Variants in SORL1 observed in about 807,000 individuals in gnomAD.
SORL1 encodes sortilin related receptor 1, also known as sortilin-related receptor.
A neutral mutation model predicts 273.7 loss-of-function variants in SORL1; 127 were observed. That is an observed-to-expected ratio of 0.46 (90% CI 0.40 to 0.54). The LOEUF is 0.54. Among genes scored for constraint, SORL1 ranks in the 20% least tolerant of loss-of-function variants. SORL1 has a pLI of 0.00. For missense variants in SORL1, 2,494 were observed against 2,846.1 expected (o/e 0.88, Z 2.81); for synonymous variants, 1,031 against 1,067.4 (o/e 0.97, Z 0.66).
intron 25 of SORL1, among the ~76,000 whole-genome samples, chr11:121,582,443 G>A (rs1378357284): frequency 6.6e-6 from 1 of 152,228 alleles, no homozygotes; most frequent in Non-Finnish European, 1.5e-5. Context: ...TTGTAAACAA[G>A]GCCAGTCCTG....
chr11:121,577,145 G>T, intron 24 of SORL1, 136 bp from the exon 25 acceptor site: 1 of 1,248,922 alleles, frequency 8.0e-7, no homozygotes, highest in Admixed American at 2.2e-5. Flanking sequence ...CCTGGTAAAA[G>T]TCTCTTCGTT....
chr11:121,595,573 G>T lies in SORL1; in HGVS notation c.4370-50G>T. On this transcript the variant is annotated intron_variant, in intron 31 of 47. Coordinates refer to ENST00000260197, the MANE Select transcript of SORL1 (RefSeq NM_003105.6). The surrounding 1 kb of genome is among the most constrained non-coding windows in gnomAD (Gnocchi z 5.1). ...GCATATTGATTGGTTGCTGTTATTG[G>T]CCAGCTCCCTCAATATTAAAAAGTA... The T allele has an allele frequency of 2.0e-6, 3 of 1,497,140 alleles. No individual in the cohort carries two copies. Among genetic ancestry groups the T allele is most frequent in the Non-Finnish European group, 1.8e-6 (2 of 1,107,034 alleles). 92.7% of individuals were successfully genotyped at this position (1,497,140 alleles called of 1,614,324 possible). A position where few individuals can be genotyped will look rare whatever the true frequency, so the allele number is the denominator to read the frequency against.
chr11:121,477,071 C>T (rs1444213726), intron 2 of SORL1, among the ~76,000 whole-genome samples: 8 of 152,054 alleles, frequency 5.3e-5, no homozygotes, highest in Non-Finnish European at 1.0e-4. Context: ...GGGTTACAGG[C>T]GTGAGCCACT....
At chr11:121,516,027 G>T (rs17125414) in intron 8 of SORL1, among the ~76,000 whole-genome samples, 2 of 152,076 alleles carry the variant, frequency 1.3e-5, no homozygotes, top group African/African-American at 2.4e-5. Context: ...ATTTTTTTCC[G>T]TTAAAATCTG....
chr11:121,469,944 G>A, intron 1 of SORL1, 63 bp from the exon 2 acceptor site: 1 of 1,075,098 alleles, frequency 9.3e-7, no homozygotes, highest in Non-Finnish European at 1.4e-6. Context: ...AAAGAGTCTT[G>A]ATTTAGAATG....
intron 16 of SORL1, among the ~76,000 whole-genome samples, chr11:121,551,639 G>A (rs1303865529): frequency 1.3e-5 from 2 of 152,206 alleles, no homozygotes; most frequent in African/African-American, 2.4e-5. Flanking sequence ...GGGTGGTGGT[G>A]TCTTACGTGG....
In SORL1 at chr11:121,528,376, T is replaced by C. The variant is rs549085244; in HGVS notation, c.1597-4088T>C. Among the ~76,000 whole-genome samples the C allele has an allele frequency of 4.5e-4, 68 of 152,298 alleles. 1 individual carries two copies. In the South Asian group the frequency reaches 0.014, roughly 31 times the overall value. ...CTGGGGGCTGAGGTGGGAGGCTCAC[T>C]TGAGCCCAGGAGGTCAAGGTTGCAG... On this transcript the variant is annotated intron_variant, in intron 11 of 47. Coordinates refer to ENST00000260197, the MANE Select transcript of SORL1 (RefSeq NM_003105.6).
chr11:121,564,867 C>T (rs1002962413), intron 21 of SORL1, among the ~76,000 whole-genome samples: 3 of 152,238 alleles, frequency 2.0e-5, no homozygotes, highest in African/African-American at 4.8e-5. Flanking sequence ...GCCACTGCAC[C>T]CAGCCGGTAA....
At chr11:121,622,021 A>T in intron 44 of SORL1, 141 bp from the exon 45 acceptor site, 1 of 595,318 alleles carries the variant, frequency 1.7e-6, no homozygotes, top group Non-Finnish European at 3.0e-6. Context: ...TAGGTTCTGT[A>T]CTCAGCAATC....
At chr11:121,514,492 G>A (rs1252693307) in intron 8 of SORL1, among the ~76,000 whole-genome samples, 171 bp downstream of exon 8, 1 of 152,206 alleles carries the variant, frequency 6.6e-6, no homozygotes, top group East Asian at 1.9e-4. Flanking sequence ...TGGGTTTGGG[G>A]TGTGGCCAGG....
chr11:121,506,694 A>G (rs1861792399), intron 6 of SORL1, among the ~76,000 whole-genome samples: 1 of 152,192 alleles, frequency 6.6e-6, no homozygotes, highest in Non-Finnish European at 1.5e-5. Context: ...ATCTATTTGT[A>G]TCTTTGAATC....
chr11:121,513,741 A>G (rs142297648), intron 7 of SORL1, among the ~76,000 whole-genome samples: 1 of 152,240 alleles, frequency 6.6e-6, no homozygotes, highest in Admixed American at 6.5e-5. Flanking sequence ...GAGAACAGTC[A>G]TGCCAGTCCT....
At position 121,591,139 on chromosome 11, in the gene SORL1, A is replaced by C; in HGVS notation, c.4352A>C (p.Glu1451Ala). ...GATTGTGCAGATGGCTCTGACGAGG[A>C]AGCCTGCCCCTTGCTTGGTGAGTTC... ...YRDCADGSDEEACPLLANVTA... is the reference protein window; with the variant it reads ...YRDCADGSDEAACPLLANVTA... The change falls in exon 31 of 48, where the codon GAA becomes GCA. Residue 1451 changes from glutamate (E) to alanine (A), a missense_variant. Glu to Ala is a moderately radical substitution (Grantham distance 107, BLOSUM62 -1). This residue lies in a region of SORL1 where 1,609 missense variants were observed against 1,816.4 expected (regional missense o/e 0.89). Coordinates refer to ENST00000260197, the MANE Select transcript of SORL1 (RefSeq NM_003105.6). 6.2e-7 allele frequency: 1 copy of C among 1,613,802 alleles called. No individual in the cohort carries two copies. Among genetic ancestry groups the C allele is most frequent in the South Asian group, 1.1e-5 (1 of 91,014 alleles).
intron 1 of SORL1, among the ~76,000 whole-genome samples, chr11:121,465,081 C>T (rs1336789980): frequency 6.6e-6 from 1 of 152,120 alleles, no homozygotes; most frequent in African/African-American, 2.4e-5. Flanking sequence ...AACTTAATAT[C>T]GCCGCAATGT....
chr11:121,464,823 G>A (rs1861058880), intron 1 of SORL1, among the ~76,000 whole-genome samples: 1 of 152,164 alleles, frequency 6.6e-6, no homozygotes, highest in Admixed American at 6.5e-5. Flanking sequence ...ACAGCACTTT[G>A]AAGGATTGGT....
At position 121,474,574 on chromosome 11, in the gene SORL1, G is replaced by A. The variant is rs544035614; in HGVS notation, c.403-3544G>A. Among the ~76,000 whole-genome samples the A allele has an allele frequency of 8.1e-4, 124 of 152,296 alleles. 1 individual carries two copies. Among genetic ancestry groups the A allele is most frequent in the African/African-American group, 2.6e-3 (107 of 41,558 alleles). On this transcript the variant is annotated intron_variant, in intron 2 of 47. Transcript: ENST00000260197. ...GTAAAAAAGGATCTAACCAGAAACC[G>A]TGGGCAGTTCAGTAACTCCTCCCCT...
chr11:121,614,275 A>G (rs1863609454), intron 40 of SORL1: 1 of 152,148 alleles, frequency 6.6e-6, no homozygotes, highest in Non-Finnish European at 1.5e-5. Context: ...TTTTCCATGG[A>G]TTGATCTCTT....
chr11:121,516,017 A>AT (rs1565321429), intron 8 of SORL1, among the ~76,000 whole-genome samples: 1 of 152,310 alleles, frequency 6.6e-6, no homozygotes, highest in East Asian at 1.9e-4. Flanking sequence ...TAACCTTTCA[A>AT]TTTTTTTCCG....
chr11:121,619,631 T>G, intron 42 of SORL1, 122 bp from the exon 43 acceptor site: 3 of 815,790 alleles, frequency 3.7e-6, no homozygotes, highest in Non-Finnish European at 3.9e-6. Context: ...ATTTTATATT[T>G]TATGGTTTTT....
Sources: allele counts gnomAD v4.1 joint callset (sites outside exome capture counted in the v4.1 genomes callset), GRCh38; gene constraint gnomAD v4.1.1; regional missense constraint gnomAD v4.1.1; non-coding constraint Gnocchi (gnomAD v3.1); transcripts MANE v1.5; gene names NCBI Gene and HGNC (gene_info 2026-07-23, HGNC 2026-07-21).